ATG10: variants seen among roughly 807,000 people sequenced by gnomAD.
ATG10 encodes the protein autophagy related 10, also known as ubiquitin-like-conjugating enzyme ATG10.
In ATG10, 30 loss-of-function variants were observed where a neutral mutation model predicts 32.1. The observed-to-expected ratio is 0.94, with a 90% CI of 0.70 to 1.27. The LOEUF (loss-of-function observed/expected upper bound fraction) is 1.27, where lower values mean the gene tolerates loss of function less well. Ranked by LOEUF, ATG10 falls within the 50% of genes most tolerant of loss-of-function variation. The pLI is 0.00. For missense variants in ATG10, 233 were observed against 262.3 expected, an observed-to-expected ratio of 0.89 and a Z score of 0.77; for synonymous variants, 87 against 91.5, an observed-to-expected ratio of 0.95 and a Z score of 0.28.
At chr5:82,194,463 T>C (rs1387757257) in intron 5 of ATG10, among the ~76,000 whole-genome samples, 1 of 152,212 alleles carries the variant, frequency 6.6e-6, no homozygotes, top group Non-Finnish European at 1.5e-5. Flanking sequence ...TATTAAGATA[T>C]GAACTTAAAT....
chr5:82,139,033 G>A (rs1197750142), intron 3 of ATG10, among the ~76,000 whole-genome samples: 60 of 150,496 alleles, frequency 4.0e-4, no homozygotes, highest in Non-Finnish European at 8.0e-4. Context: ...TGGTGGAGAC[G>A]GGGTTTCGCT....
At chr5:82,133,788 G>C (rs1766632331) in intron 3 of ATG10, among the ~76,000 whole-genome samples, 2 of 151,998 alleles carry the variant, frequency 1.3e-5, no homozygotes, top group South Asian at 4.1e-4. Flanking sequence ...GATGGGAATA[G>C]CATTGAATCT....
At chr5:82,251,956 A>G (rs1188532917) in intron 5 of ATG10, among the ~76,000 whole-genome samples, 4 of 152,188 alleles carry the variant, frequency 2.6e-5, no homozygotes, top group Admixed American at 6.5e-5. Context: ...GAAATGAGGA[A>G]AAAGAAAAAC....
At chr5:82,020,064 T>G (rs1450883153) in intron 2 of ATG10, among the ~76,000 whole-genome samples, 1 of 152,212 alleles carries the variant, frequency 6.6e-6, no homozygotes, top group Non-Finnish European at 1.5e-5. Context: ...AGCAGCTGTG[T>G]GTCTGCCACG....
intron 5 of ATG10, among the ~76,000 whole-genome samples, chr5:82,195,080 C>A (rs1227018846): frequency 1.3e-5 from 2 of 152,192 alleles, no homozygotes; most frequent in Non-Finnish European, 2.9e-5. Flanking sequence ...TCAAACACTT[C>A]AAGCACTTTG....
intron 2 of ATG10, among the ~76,000 whole-genome samples, chr5:82,048,244 A>G (rs1299843006): frequency 2.3e-3 from 314 of 138,862 alleles, no homozygotes; most frequent in African/African-American, 8.4e-3. Context: ...GTTTTTTCCA[A>G]TTCTGTGAAG....
chr5:82,217,681 C>G (rs1248846094), intron 5 of ATG10, among the ~76,000 whole-genome samples: 1 of 151,736 alleles, frequency 6.6e-6, no homozygotes, highest in Non-Finnish European at 1.5e-5. Context: ...TCATTTAATT[C>G]TCAAAACAGC....
rs549654050 is a variant in ATG10, at chr5:82,036,526, G to A, written c.109-21969G>A. ...GGAGAATTGCTTGAACCCAGGAGGC[G>A]GAGGTTGCAGTGAGCTGAGATTGTG... On this transcript the variant is annotated intron_variant, in intron 2 of 7. Transcript: ENST00000282185. 2.9e-4 allele frequency among the ~76,000 whole-genome samples: 44 copies of A among 152,084 alleles called. 1 individual carries two copies. Among genetic ancestry groups the A allele is most frequent in the Admixed American group, 6.5e-5 (1 of 15,278 alleles).
At chr5:82,223,363 A>T (rs1746000213) in intron 5 of ATG10, among the ~76,000 whole-genome samples, 1 of 152,252 alleles carries the variant, frequency 6.6e-6, no homozygotes, top group African/African-American at 2.4e-5. Flanking sequence ...TGTGGCTCAT[A>T]GTCACAATGA....
intron 2 of ATG10, among the ~76,000 whole-genome samples, chr5:82,027,649 A>C (rs1289850445): frequency 6.6e-6 from 1 of 152,230 alleles, no homozygotes; most frequent in African/African-American, 2.4e-5. Context: ...CTTAAAAAAT[A>C]CTTATTTTTT....
chr5:82,135,551 C>T (rs1387820331), intron 3 of ATG10, among the ~76,000 whole-genome samples: 1 of 152,076 alleles, frequency 6.6e-6, no homozygotes, highest in Non-Finnish European at 1.5e-5. Flanking sequence ...GTTTCTTCAT[C>T]CTGAGTTCTA....
intron 2 of ATG10, among the ~76,000 whole-genome samples, chr5:82,040,801 A>G (rs1227690821): frequency 2.6e-5 from 4 of 152,210 alleles, no homozygotes; most frequent in Non-Finnish European, 1.5e-5. Flanking sequence ...TTACAATCAA[A>G]TGGATAGAAA....
intron 3 of ATG10, among the ~76,000 whole-genome samples, chr5:82,157,543 A>T (rs867346529): frequency 4.6e-5 from 7 of 152,354 alleles, no homozygotes; most frequent in South Asian, 2.1e-4. Flanking sequence ...TATGATAATG[A>T]GCCTTGAAAC....
At chr5:82,223,805 C>T (rs368506474) in intron 5 of ATG10, among the ~76,000 whole-genome samples, 53 of 152,180 alleles carry the variant, frequency 3.5e-4, no homozygotes, top group African/African-American at 1.2e-3. Flanking sequence ...TTATTATGAA[C>T]TGAAATGATT....
At chr5:81,999,555 G>C (rs900021165) in intron 2 of ATG10, among the ~76,000 whole-genome samples, 2 of 151,742 alleles carry the variant, frequency 1.3e-5, no homozygotes, top group Non-Finnish European at 2.9e-5. Flanking sequence ...AGGAAATTGA[G>C]ATGCAAAAAA....
chr5:82,161,696 A>AACACACACACACACACACAC (rs60780834), intron 3 of ATG10, among the ~76,000 whole-genome samples: 6,843 of 129,552 alleles, frequency 0.053, 228 homozygotes, highest in Non-Finnish European at 0.065. Context: ...TTAGAGAATA[A>AACACACACACACACACACAC]ACACACACAC....
chr5:82,090,622 T>C (rs944801202), intron 3 of ATG10, among the ~76,000 whole-genome samples: 27 of 152,188 alleles, frequency 1.8e-4, no homozygotes, highest in African/African-American at 6.3e-4. Context: ...GGGTGGTGGG[T>C]GTGGCTGTAA....
intron 4 of ATG10, among the ~76,000 whole-genome samples, chr5:82,166,580 C>T (rs1377439446): frequency 2.6e-5 from 4 of 152,072 alleles, no homozygotes. Context: ...ATGTATCAAC[C>T]TTTACTCTGG....
intron 5 of ATG10, among the ~76,000 whole-genome samples, chr5:82,213,361 T>A (rs1745563313): frequency 6.6e-6 from 1 of 152,214 alleles, no homozygotes; most frequent in East Asian, 1.9e-4. Flanking sequence ...ATATCTCTCC[T>A]AGTCTTACCT....
Sources: gnomAD v4.1 joint callset for allele counts (sites outside exome capture counted in the v4.1 genomes callset) on GRCh38, gnomAD v4.1.1 for gene constraint, MANE v1.5 for transcripts, NCBI Gene and HGNC (gene_info 2026-07-23, HGNC 2026-07-21) for gene names.